UBTD2: variants seen among roughly 807,000 people sequenced by gnomAD.
UBTD2 encodes the protein ubiquitin domain-containing protein 2.
Under a neutral mutation model 19.8 loss-of-function variants are expected in UBTD2, and 9 were observed. The ratio of observed to expected loss-of-function variants is 0.46; its 90% CI spans 0.27 to 0.79. UBTD2 has a LOEUF of 0.79. Ranked by LOEUF, UBTD2 falls within the 30% of genes least tolerant of loss-of-function variation. UBTD2 has a pLI of 0.14. For missense variants in UBTD2, 250 were observed against 300.4 expected (o/e 0.83, Z 1.24); for synonymous variants, 98 against 103.9 (o/e 0.94, Z 0.35).
chr5:172,247,898 G>A (rs775217251), intron 1 of UBTD2, among the ~76,000 whole-genome samples: 1 of 152,028 alleles, frequency 6.6e-6, no homozygotes, highest in Non-Finnish European at 1.5e-5. Context: ...AAAACACATA[G>A]AAATTCTCCA....
At chr5:172,279,412 G>A (rs1307789141) in intron 1 of UBTD2, among the ~76,000 whole-genome samples, 2 of 152,188 alleles carry the variant, frequency 1.3e-5, no homozygotes, top group African/African-American at 4.8e-5. Flanking sequence ...TACTCACTGA[G>A]TAGGTGTCTG....
At chr5:172,220,348 A>G (rs1220070462) in intron 2 of UBTD2, among the ~76,000 whole-genome samples, 1 of 152,230 alleles carries the variant, frequency 6.6e-6, no homozygotes, top group African/African-American at 2.4e-5. Context: ...CAAAAAAGCT[A>G]TAGCTGGCCG....
At chr5:172,242,149 C>A (rs1033821522) in intron 1 of UBTD2, among the ~76,000 whole-genome samples, 10 of 152,122 alleles carry the variant, frequency 6.6e-5, no homozygotes, top group Admixed American at 3.3e-4. Flanking sequence ...TCCCTGAGGC[C>A]CTCAACAGGA....
At chr5:172,247,687 A>G (rs1206168377) in intron 1 of UBTD2, among the ~76,000 whole-genome samples, 2 of 152,226 alleles carry the variant, frequency 1.3e-5, no homozygotes, top group African/African-American at 2.4e-5. Context: ...CCCAGAATAT[A>G]TGAAGCAAGC....
At chr5:172,237,058 A>G (rs938025393) in intron 1 of UBTD2, among the ~76,000 whole-genome samples, 1 of 152,202 alleles carries the variant, frequency 6.6e-6, no homozygotes, top group African/African-American at 2.4e-5. Flanking sequence ...ATGTTGCTTA[A>G]GGAAAATCAT....
intron 1 of UBTD2, among the ~76,000 whole-genome samples, chr5:172,275,278 C>T (rs899209736): frequency 6.6e-6 from 1 of 152,078 alleles, no homozygotes; most frequent in South Asian, 2.1e-4. Flanking sequence ...GAGGTAACCG[C>T]CCCCATGATT....
intron 1 of UBTD2, among the ~76,000 whole-genome samples, chr5:172,267,248 C>G (rs1755396163): frequency 6.6e-6 from 1 of 152,184 alleles, no homozygotes; most frequent in Non-Finnish European, 1.5e-5. Flanking sequence ...TGAAGACCAT[C>G]ATGAGACATG....
intron 2 of UBTD2, among the ~76,000 whole-genome samples, chr5:172,214,716 G>C (rs1771510993): frequency 6.6e-6 from 1 of 152,150 alleles, no homozygotes; most frequent in South Asian, 2.1e-4. Flanking sequence ...AGTATTTTTA[G>C]AAACAGTAAT....
intron 1 of UBTD2, among the ~76,000 whole-genome samples, chr5:172,281,726 A>T (rs975923549): frequency 6.6e-6 from 1 of 152,206 alleles, no homozygotes; most frequent in Non-Finnish European, 1.5e-5. Flanking sequence ...GGAGAATAAA[A>T]GCGTCCATAA....
chr5:172,251,465 C>CAAAA (rs59810255), intron 1 of UBTD2, among the ~76,000 whole-genome samples: 196 of 91,820 alleles, frequency 2.1e-3, no homozygotes, highest in African/African-American at 4.0e-3. Context: ...TCAAACTGTC[C>CAAAA]AAAAAAAAAA....
chr5:172,212,954 C>T (rs1771478834), intron 2 of UBTD2, among the ~76,000 whole-genome samples: 1 of 150,164 alleles, frequency 6.7e-6, no homozygotes, highest in African/African-American at 2.5e-5. Flanking sequence ...GCATGAGCCA[C>T]CGTGCCCAGC....
chr5:172,212,622 C>G (rs1423039339), intron 2 of UBTD2, among the ~76,000 whole-genome samples: 1 of 152,186 alleles, frequency 6.6e-6, no homozygotes, highest in Admixed American at 6.5e-5. Context: ...AAATTGATTT[C>G]TAAGCTCAAT....
At chr5:172,224,302 T>TC (rs1771717964) in intron 2 of UBTD2, among the ~76,000 whole-genome samples, 4 of 147,088 alleles carry the variant, frequency 2.7e-5, no homozygotes, top group Admixed American at 2.0e-4. Flanking sequence ...TCATTTCTTT[T>TC]TTTTTTTTTT....
chr5:172,235,287 G>A (rs1771985538), intron 1 of UBTD2, among the ~76,000 whole-genome samples: 1 of 152,088 alleles, frequency 6.6e-6, no homozygotes, highest in Non-Finnish European at 1.5e-5. Context: ...AAAATCCAAA[G>A]AGGTAAAAGA....
intron 1 of UBTD2, chr5:172,255,515 C>G (rs1755122820): frequency 3.0e-6 from 1 of 328,834 alleles, no homozygotes; most frequent in African/African-American, 2.2e-5. Context: ...AAATAAAGGC[C>G]CAGATCCGGG....
chr5:172,219,465 G>A (rs527636126), intron 2 of UBTD2, among the ~76,000 whole-genome samples: 35 of 152,136 alleles, frequency 2.3e-4, no homozygotes, highest in African/African-American at 8.0e-4. Flanking sequence ...CCTTTTGTCC[G>A]GAGTATCCAT....
intron 1 of UBTD2, chr5:172,255,252 T>C (rs1484292421): frequency 2.2e-6 from 1 of 460,038 alleles, no homozygotes; most frequent in Admixed American, 2.6e-5. Context: ...TGAAGTCCAC[T>C]GGCTCCATCT....
chr5:172,251,314 C>CA (rs57577423), intron 1 of UBTD2, among the ~76,000 whole-genome samples: 10,335 of 118,116 alleles, frequency 0.087, 562 homozygotes, highest in Admixed American at 0.14. Flanking sequence ...GAGCCTATCT[C>CA]AAAAAAAAAA....
At chr5:172,220,274 C>T (rs946277671) in intron 2 of UBTD2, among the ~76,000 whole-genome samples, 20 of 152,014 alleles carry the variant, frequency 1.3e-4, no homozygotes, top group African/African-American at 4.8e-4. Flanking sequence ...TATAACAAAA[C>T]CCAACACTGA....
Sources: allele counts gnomAD v4.1 joint callset (sites outside exome capture counted in the v4.1 genomes callset), GRCh38; gene constraint gnomAD v4.1.1; transcripts MANE v1.5; gene names NCBI Gene and HGNC (gene_info 2026-07-23, HGNC 2026-07-21).